Variants in DNAH5 observed in about 807,000 individuals in gnomAD.
DNAH5 encodes the protein axonemal beta dynein heavy chain 5.
In DNAH5, 372 loss-of-function variants were observed where a neutral mutation model predicts 518.2. That is an observed-to-expected ratio of 0.72 (90% CI 0.66 to 0.78). The LOEUF is 0.78. Among genes scored for constraint, DNAH5 ranks in the 30% least tolerant of loss-of-function variants. DNAH5 has a pLI of 0.00. For synonymous variants in DNAH5, 2,039 were observed against 2,025.9 expected, an observed-to-expected ratio of 1.01 and a Z score of -0.17; for missense variants, 5,523 against 5,687.0, an observed-to-expected ratio of 0.97 and a Z score of 0.93.
intron 30 of DNAH5, among the ~76,000 whole-genome samples, chr5:13,852,207 G>A (rs543463142): frequency 6.6e-6 from 1 of 151,878 alleles, no homozygotes; most frequent in Non-Finnish European, 1.5e-5. Context: ...CGCTCTTTTT[G>A]CCCAGGCTGG....
At chr5:13,996,201 G>A (rs553056215) in intron 1 of DNAH5, among the ~76,000 whole-genome samples, 3 of 152,096 alleles carry the variant, frequency 2.0e-5, no homozygotes, top group African/African-American at 7.2e-5. Flanking sequence ...TCCTCCACAG[G>A]GTAGTTTCGC....
chr5:13,772,941 A>G (rs1278807238), intron 55 of DNAH5, among the ~76,000 whole-genome samples: 1 of 152,214 alleles, frequency 6.6e-6, no homozygotes, highest in Non-Finnish European at 1.5e-5. Context: ...CTAATTTTCT[A>G]AAAAGAATAA....
In DNAH5 at chr5:13,717,469, A is replaced by C. The variant is rs1199548940; in HGVS notation, c.12551T>G (p.Met4184Arg). 1.4e-5 allele frequency: 22 copies of C among 1,614,072 alleles called. No homozygotes were observed. Among genetic ancestry groups the C allele is most frequent in the Admixed American group, 1.7e-5 (1 of 59,994 alleles). Residue 4184 changes from methionine (M) to arginine (R), a missense_variant, in exon 73 of 79, where the codon ATG becomes AGG. Transcript: ENST00000265104. ...DVSSGSQWKP[M>R]LYAVAFLHST... ...GTGCAGGAAAGCCACTGCGTACAGC[A>C]TGGGCTTCCACTGGGACCCAGAGCT...
chr5:13,780,081 T>G (rs1754867331), intron 53 of DNAH5, among the ~76,000 whole-genome samples: 1 of 152,200 alleles, frequency 6.6e-6, no homozygotes, highest in Non-Finnish European at 1.5e-5. Flanking sequence ...CTCTGCAGTA[T>G]TTAACTTCTT....
chr5:13,861,655 T>C (rs937344786), intron 29 of DNAH5, among the ~76,000 whole-genome samples: 6 of 152,154 alleles, frequency 3.9e-5, no homozygotes, highest in African/African-American at 1.2e-4. Flanking sequence ...ATTATATACA[T>C]GTAATGAAAG....
In DNAH5 at chr5:13,708,255, C is replaced by G; in HGVS notation, c.13206G>C (p.Arg4402Ser). 6.2e-7 allele frequency: 1 copy of G among 1,614,098 alleles called. No individual in the cohort carries two copies. The highest frequency in any genetic ancestry group is 8.5e-7 in the Non-Finnish European group (1 of 1,180,010). Reference sequence around the variant, plus strand: ...GGGTGCTGCGGACAAGGCTGAGTACCCTTTGCATTCTGTCTATTTCCTGCC... The same window carrying G: ...GGGTGCTGCGGACAAGGCTGAGTACGCTTTGCATTCTGTCTATTTCCTGCC... ...FLRQEIDRMQ[R>S]VLSLVRSTLT... The change falls in exon 76 of 79, where the codon AGG becomes AGC. Residue 4402 changes from arginine to serine, a missense_variant. By Grantham distance (110) the Arg-to-Ser change is moderately radical (BLOSUM62 -1). Coordinates refer to ENST00000265104, the MANE Select transcript of DNAH5 (RefSeq NM_001369.3).
chr5:13,956,123 C>T (rs978236338), intron 1 of DNAH5, among the ~76,000 whole-genome samples: 8 of 152,146 alleles, frequency 5.3e-5, no homozygotes, highest in East Asian at 1.9e-4. Flanking sequence ...GTCCCATTCA[C>T]GTGTCAAGAA....
rs1027319108 is a variant in DNAH5 at position 13,824,717 on chromosome 5, C to A, written c.6445-384G>T. ...CAGAACCAGAATTAAACTGGGACTGCACTCATGACTGTCATATACATAGAG... is the reference window on the plus strand; with the variant it reads ...CAGAACCAGAATTAAACTGGGACTGAACTCATGACTGTCATATACATAGAG... On this transcript the variant is annotated intron_variant, in intron 38 of 78. Transcript: ENST00000265104. Among the ~76,000 whole-genome samples the A allele has an allele frequency of 3.9e-4, 59 of 152,282 alleles. 1 individual carries two copies. The highest frequency in any genetic ancestry group is 5.8e-4 in the East Asian group (3 of 5,168).
chr5:13,985,131 A>G (rs1782947537), intron 1 of DNAH5, among the ~76,000 whole-genome samples: 1 of 152,116 alleles, frequency 6.6e-6, no homozygotes, highest in African/African-American at 2.4e-5. Flanking sequence ...CTTTGTAGGG[A>G]CATGGTTGAA....
rs1326641469 is a variant in DNAH5, at chr5:13,701,444, G to T, written c.13339-8C>A. The stretch of plus-strand genomic sequence containing the variant: ...ACTAGAAATCCAAGAAGCCTGCAAT[G>T]AAGACATTAAAACAATTAATTGATG... On this transcript the variant is annotated splice_region_variant and splice_polypyrimidine_tract_variant and intron_variant, in intron 76 of 78. Transcript: ENST00000265104. 3.1e-6 allele frequency: 5 copies of T among 1,605,664 alleles called. No individual in the cohort carries two copies. Among genetic ancestry groups the T allele is most frequent in the Non-Finnish European group, 4.3e-6 (5 of 1,172,754 alleles).
intron 53 of DNAH5, among the ~76,000 whole-genome samples, chr5:13,780,049 A>T (rs991434028): frequency 6.6e-6 from 1 of 151,886 alleles, no homozygotes; most frequent in African/African-American, 2.4e-5. Context: ...TTCCATTCCC[A>T]CTTGTCACCC....
intron 52 of DNAH5, among the ~76,000 whole-genome samples, chr5:13,782,722 C>T (rs765933270): frequency 1.3e-5 from 2 of 152,156 alleles, no homozygotes; most frequent in Non-Finnish European, 2.9e-5. Flanking sequence ...TGGAACTGGG[C>T]CAAGGTCTTA....
intron 47 of DNAH5, among the ~76,000 whole-genome samples, chr5:13,798,151 T>C (rs1279106450): frequency 6.6e-6 from 1 of 152,112 alleles, no homozygotes; most frequent in Non-Finnish European, 1.5e-5. Context: ...CATGTATACC[T>C]ATGTATCAAA....
chr5:13,804,108 A>T (rs556025272), intron 47 of DNAH5, among the ~76,000 whole-genome samples: 9 of 152,194 alleles, frequency 5.9e-5, no homozygotes, highest in Non-Finnish European at 8.8e-5. Flanking sequence ...AATTAATATT[A>T]GTTCGGGGGG....
chr5:13,715,428 C>T (rs1744159322), intron 74 of DNAH5, among the ~76,000 whole-genome samples: 1 of 152,158 alleles, frequency 6.6e-6, no homozygotes, highest in African/African-American at 2.4e-5. Context: ...ACCTTCATGG[C>T]CACTTTTCTT....
intron 48 of DNAH5, 55 bp downstream of exon 48, chr5:13,793,881 A>G (rs1757420417): frequency 6.3e-7 from 1 of 1,596,338 alleles, no homozygotes; most frequent in African/African-American, 1.4e-5. Context: ...AAACTCTTCT[A>G]AGAATAAATC....
At chr5:13,778,496 A>AGGGAGGGAGGGAGGGAGGG (rs1561233431) in intron 53 of DNAH5, among the ~76,000 whole-genome samples, 3 of 84,770 alleles carry the variant, frequency 3.5e-5, no homozygotes, top group Admixed American at 3.5e-4. Flanking sequence ...GGAAGGAAGG[A>AGGGAGGGAGGGAGGGAGGG]AGGGAGGGAG....
At chr5:13,971,524 C>A (rs569580110) in intron 1 of DNAH5, among the ~76,000 whole-genome samples, 12 of 152,272 alleles carry the variant, frequency 7.9e-5, no homozygotes, top group African/African-American at 2.9e-4. Flanking sequence ...GAGAGCCAAA[C>A]TGCAGTGATT....
chr5:13,897,620 A>T (rs1774066479), intron 15 of DNAH5: 1 of 152,240 alleles, frequency 6.6e-6, no homozygotes, highest in African/African-American at 2.4e-5. Context: ...TCTGTCAAAT[A>T]TTCAGCACAA....
Sources: allele counts gnomAD v4.1 joint callset (sites outside exome capture counted in the v4.1 genomes callset), GRCh38; gene constraint gnomAD v4.1.1; transcripts MANE v1.5; gene names NCBI Gene and HGNC (gene_info 2026-07-23, HGNC 2026-07-21).